The following NUP153 variants were observed in gnomAD, a reference collection of about 807,000 sequenced individuals.
NUP153 encodes the protein nucleoporin 153.
NUP153 carries 27 observed loss-of-function variants against 134.6 expected under a neutral mutation model. That is an observed-to-expected ratio of 0.20 (90% CI 0.15 to 0.28). NUP153 has a LOEUF of 0.28. Among genes scored for constraint, NUP153 ranks in the 10% least tolerant of loss-of-function variants. The probability of loss-of-function intolerance (pLI) is 1.00; values close to 1 mark genes in which losing one functional copy is unlikely to be tolerated. For missense variants in NUP153, 1,821 were observed against 1,731.3 expected (o/e 1.05, Z -0.92); for synonymous variants, 640 against 623.5 (o/e 1.03, Z -0.40).
intron 16 of NUP153, among the ~76,000 whole-genome samples, chr6:17,634,057 A>T (rs1230117073): frequency 1.3e-5 from 2 of 151,922 alleles, no homozygotes; most frequent in African/African-American, 4.8e-5. Context: ...TTTTTCTCAA[A>T]TCTATTTCAA....
intron 1 of NUP153, among the ~76,000 whole-genome samples, chr6:17,705,115 T>TGAA (rs1407461862): frequency 1.3e-5 from 2 of 152,242 alleles, no homozygotes; most frequent in Non-Finnish European, 2.9e-5. Context: ...ATCAACCATG[T>TGAA]GAAAGTGTGT....
intron 2 of NUP153, among the ~76,000 whole-genome samples, chr6:17,686,760 A>G (rs1366598809): frequency 1.3e-5 from 2 of 151,888 alleles, no homozygotes; most frequent in African/African-American, 4.8e-5. Flanking sequence ...TGCTGCCCAC[A>G]ACTTGCTTCT....
chr6:17,703,710 G>A (rs1770273279), intron 1 of NUP153, among the ~76,000 whole-genome samples: 2 of 150,810 alleles, frequency 1.3e-5, no homozygotes, highest in Non-Finnish European at 2.9e-5. Flanking sequence ...CTTTCCTTGG[G>A]TAGTGGTAGT....
intron 2 of NUP153, among the ~76,000 whole-genome samples, chr6:17,684,751 T>C (rs1768807855): frequency 6.6e-6 from 1 of 152,190 alleles, no homozygotes; most frequent in South Asian, 2.1e-4. Context: ...TGATTTCCAC[T>C]TGAACACTTA....
rs1364252784 is a variant in NUP153 at position 17,665,369 on chromosome 6, G to A, written c.1085C>T (p.Pro362Leu). 1 of 1,611,102 alleles carries A rather than the reference G, an allele frequency of 6.2e-7. No individual in the cohort carries two copies. Among genetic ancestry groups the A allele is most frequent in the Non-Finnish European group, 8.5e-7 (1 of 1,178,884 alleles). The change falls in exon 9 of 22, where the codon CCT becomes CTT. Residue 362 changes from proline (P) to leucine (L), a missense_variant. By Grantham distance (98) the Pro-to-Leu change is moderately conservative. Transcript: ENST00000262077. ...TGGGGTCATAAGTCTCTGAACAGGAGGATATTGAGAATCCACCTTACAGGT... is the reference window on the plus strand; with the variant it reads ...TGGGGTCATAAGTCTCTGAACAGGAAGATATTGAGAATCCACCTTACAGGT... ...AKREKVDSQY[P>L]PVQRLMTPKP...
chr6:17,665,659 T>C (rs572850299), intron 8 of NUP153, among the ~76,000 whole-genome samples: 6 of 152,154 alleles, frequency 3.9e-5, no homozygotes, highest in African/African-American at 1.4e-4. Flanking sequence ...TTCACACACA[T>C]GCATGCATAC....
intron 11 of NUP153, among the ~76,000 whole-genome samples, chr6:17,657,968 G>T (rs1219412218): frequency 6.6e-6 from 1 of 152,204 alleles, no homozygotes; most frequent in Non-Finnish European, 1.5e-5. Flanking sequence ...AATGATGTTA[G>T]ACAAAAGACA....
At chr6:17,616,288 G>GGGGGGGGGA in intron 21 of NUP153, 107 bp from the exon 22 acceptor site, 1 of 476,202 alleles carries the variant, frequency 2.1e-6, no homozygotes, top group Non-Finnish European at 3.9e-6. Context: ...CGGGTGGGGG[G>GGGGGGGGGA]GGAGTAGACT....
At chr6:17,653,396 C>T (rs766781428) in intron 11 of NUP153, among the ~76,000 whole-genome samples, 1 of 152,066 alleles carries the variant, frequency 6.6e-6, no homozygotes, top group African/African-American at 2.4e-5. Flanking sequence ...ACCAGAATGA[C>T]TAAAATTTAA....
chr6:17,630,738 G>GGGGAGGGGAGAA (rs538191286), intron 17 of NUP153, among the ~76,000 whole-genome samples: 13 of 146,714 alleles, frequency 8.9e-5, no homozygotes, highest in African/African-American at 2.5e-4. Flanking sequence ...AGAGGGGAGA[G>GGGGAGGGGAGAA]GGGAGGGGAG....
chr6:17,624,161 A>G (rs1274261861), intron 20 of NUP153, among the ~76,000 whole-genome samples: 1 of 152,230 alleles, frequency 6.6e-6, no homozygotes, highest in Non-Finnish European at 1.5e-5. Flanking sequence ...AGAAAGTGTC[A>G]TGAGACAACT....
chr6:17,626,228 C>T, intron 18 of NUP153, 64 bp from the exon 19 acceptor site: 1 of 1,269,032 alleles, frequency 7.9e-7, no homozygotes. Context: ...AGTACTTTTT[C>T]CTACCCTACA....
chr6:17,666,003 TA>T (rs1491074794), intron 8 of NUP153, among the ~76,000 whole-genome samples: 3 of 150,320 alleles, frequency 2.0e-5, no homozygotes, highest in African/African-American at 7.4e-5. Flanking sequence ...TTTTTTTTTT[TA>T]AATGGAGACT....
intron 2 of NUP153, among the ~76,000 whole-genome samples, chr6:17,686,720 T>A (rs865840822): frequency 1.3e-4 from 19 of 150,908 alleles, no homozygotes; most frequent in South Asian, 2.1e-4. Context: ...AAAAAAAAAA[T>A]TTTTTAAGTT....
chr6:17,616,290 G>GGGGGGGGGGGGGCCCCCCCCCCCCCCCC, intron 21 of NUP153, 109 bp from the exon 22 acceptor site: 1 of 473,898 alleles, frequency 2.1e-6, no homozygotes, highest in African/African-American at 2.0e-5. Context: ...GGTGGGGGGG[G>GGGGGGGGGGGGGCCCCCCCCCCCCCCCC]AGTAGACTCA....
At chr6:17,630,447 G>A (rs933182662) in intron 17 of NUP153, among the ~76,000 whole-genome samples, 2 of 152,110 alleles carry the variant, frequency 1.3e-5, no homozygotes, top group African/African-American at 4.8e-5. Flanking sequence ...ATCACCCGAG[G>A]TCAGGAGTTC....
chr6:17,657,133 A>T (rs1307881744), intron 11 of NUP153, among the ~76,000 whole-genome samples: 1 of 152,128 alleles, frequency 6.6e-6, no homozygotes, highest in Non-Finnish European at 1.5e-5. Flanking sequence ...GCTCAGGTTG[A>T]TTATTTATAG....
rs1244024482 is a variant in NUP153, at chr6:17,668,043, T to C, written c.1068+932A>G. Among the ~76,000 whole-genome samples, 15 of 150,998 alleles carry C rather than the reference T, an allele frequency of 9.9e-5. No homozygotes were observed. In the Admixed American group the frequency reaches 9.9e-4, roughly 10 times the overall value. ...AGGAAAGTATACAAAGATGATGATGTGCAATGAGGACTTTAGTTTACTGAA... is the reference window on the plus strand; with the variant it reads ...AGGAAAGTATACAAAGATGATGATGCGCAATGAGGACTTTAGTTTACTGAA... On this transcript the variant is annotated intron_variant, in intron 8 of 21. Transcript: ENST00000262077.
chr6:17,683,505 G>T (rs1478164162), intron 2 of NUP153, among the ~76,000 whole-genome samples: 1 of 152,130 alleles, frequency 6.6e-6, no homozygotes, highest in Non-Finnish European at 1.5e-5. Context: ...GTGTTGTTTT[G>T]CAAAGAATCT....
Sources: allele counts gnomAD v4.1 joint callset (sites outside exome capture counted in the v4.1 genomes callset), GRCh38; gene constraint gnomAD v4.1.1; transcripts MANE v1.5; gene names NCBI Gene and HGNC (gene_info 2026-07-23, HGNC 2026-07-21).